Variants in CACNA1A observed in about 807,000 individuals in gnomAD.
CACNA1A encodes calcium voltage-gated channel subunit alpha1 A, also known as voltage-dependent P/Q-type calcium channel subunit alpha-1A.
In CACNA1A, 57 loss-of-function variants were observed where a neutral mutation model predicts 262.4. That is an observed-to-expected ratio of 0.22 (90% confidence interval 0.18 to 0.27). The LOEUF is 0.27. Ranked by LOEUF, CACNA1A falls within the 10% of genes least tolerant of loss-of-function variation. The probability of loss-of-function intolerance (pLI) is 1.00; values close to 1 mark genes in which losing one functional copy is unlikely to be tolerated. For missense variants in CACNA1A, 2,526 were observed against 3,562.8 expected (o/e 0.71, Z 7.41); for synonymous variants, 1,431 against 1,419.3 (o/e 1.01, Z -0.18).
At chr19:13,499,781 C>A (rs1982150545) in intron 1 of CACNA1A, among the ~76,000 whole-genome samples, 1 of 152,152 alleles carries the variant, frequency 6.6e-6, no homozygotes, top group Non-Finnish European at 1.5e-5. Flanking sequence ...CTCCTCTCTG[C>A]CCTCTTTCAG....
chr19:13,362,230 C>T (rs75967457), intron 5 of CACNA1A: 2 of 152,154 alleles, frequency 1.3e-5, no homozygotes, highest in East Asian at 3.9e-4. Flanking sequence ...CAAAATCTCA[C>T]TCTGTTGCCC....
chr19:13,370,026 G>T (rs2059290161), intron 4 of CACNA1A, among the ~76,000 whole-genome samples: 1 of 152,168 alleles, frequency 6.6e-6, no homozygotes. Flanking sequence ...TCACAGGCTT[G>T]TTGGGAGGAT....
intron 19 of CACNA1A, among the ~76,000 whole-genome samples, chr19:13,293,718 A>G (rs1156316834): frequency 6.6e-6 from 1 of 151,176 alleles, no homozygotes; most frequent in Non-Finnish European, 1.5e-5. Context: ...GGCCTCCCAA[A>G]GTGCTGGGAT....
At chr19:13,235,183 G>A (rs1600138906) in intron 33 of CACNA1A, 26 bp downstream of exon 33, 16 of 1,605,992 alleles carry the variant, frequency 1.0e-5, no homozygotes, top group Non-Finnish European at 1.4e-5. Flanking sequence ...GGGAGGCTCT[G>A]GGAACCTTAG....
chr19:13,273,366 T>C (rs1421602851), intron 24 of CACNA1A: 1 of 152,196 alleles, frequency 6.6e-6, no homozygotes, highest in Non-Finnish European at 1.5e-5. Flanking sequence ...TGATAGGGAA[T>C]GAATTGTATC....
chr19:13,396,474 T>C (rs1416624718), intron 3 of CACNA1A, among the ~76,000 whole-genome samples: 3 of 152,184 alleles, frequency 2.0e-5, no homozygotes, highest in East Asian at 1.9e-4. Flanking sequence ...CCTAGAACTT[T>C]CTGGGATGAT....
chr19:13,457,260 C>T (rs1348557551), intron 1 of CACNA1A, among the ~76,000 whole-genome samples: 8 of 151,674 alleles, frequency 5.3e-5, no homozygotes, highest in African/African-American at 1.9e-4. Flanking sequence ...CTCAAAACAA[C>T]AACAACAAAA....
In CACNA1A at chr19:13,208,903, G is replaced by GTGGTGC. The variant is rs2054688471; in HGVS notation, c.6627_6632dup (p.Gln2209_His2210dup). ...GATGGTGGTGGTGGTGGTGGTGGTG[G>GTGGTGC]TGGTGCTGTCGATGCTTCCGATCCT... On this transcript the variant is annotated inframe_insertion, in exon 46 of 47. Transcript: ENST00000360228. 5 of 1,536,508 alleles carry GTGGTGC rather than the reference G, an allele frequency of 3.3e-6. No homozygotes were observed. The highest frequency in any genetic ancestry group is 4.4e-6 in the Non-Finnish European group (5 of 1,146,780).
intron 17 of CACNA1A, among the ~76,000 whole-genome samples, chr19:13,302,120 G>A (rs765519994): frequency 1.3e-5 from 2 of 152,136 alleles, no homozygotes; most frequent in Non-Finnish European, 2.9e-5. Flanking sequence ...GACGGCCTGG[G>A]TTCAAATCCC....
At chr19:13,374,416 T>C (rs1446866423) in intron 3 of CACNA1A, among the ~76,000 whole-genome samples, 1 of 152,016 alleles carries the variant, frequency 6.6e-6, no homozygotes, top group East Asian at 1.9e-4. Context: ...TTCAGAAAAT[T>C]AAAAAATTTT....
chr19:13,503,511 G>A (rs1047028679), intron 1 of CACNA1A, among the ~76,000 whole-genome samples: 1 of 151,422 alleles, frequency 6.6e-6, no homozygotes, highest in Non-Finnish European at 1.5e-5. Context: ...AAAGTAGAAT[G>A]TTCTGCCCTG....
intron 24 of CACNA1A, chr19:13,275,623 G>T: frequency 1.8e-6 from 1 of 562,466 alleles, no homozygotes; most frequent in South Asian, 2.0e-5. Context: ...TGCTGTGTGA[G>T]GAGGTAGAAG....
At chr19:13,411,418 T>C (rs1332274711) in intron 3 of CACNA1A, among the ~76,000 whole-genome samples, 1 of 152,182 alleles carries the variant, frequency 6.6e-6, no homozygotes. Context: ...CTTGTGGTAG[T>C]GAATAAGTCT....
chr19:13,296,613 T>C (rs1310993887), intron 19 of CACNA1A, among the ~76,000 whole-genome samples: 1 of 152,204 alleles, frequency 6.6e-6, no homozygotes, highest in African/African-American at 2.4e-5. Context: ...GGTCTTGAAC[T>C]CCGGGGCTCA....
At chr19:13,456,315 C>T (rs2061005948) in intron 1 of CACNA1A, among the ~76,000 whole-genome samples, 4 of 152,030 alleles carry the variant, frequency 2.6e-5, no homozygotes, top group Admixed American at 2.0e-4. Context: ...AGTTAAAAGG[C>T]AAGTAACAGA....
At chr19:13,313,158 C>T (rs920868695) in intron 11 of CACNA1A, among the ~76,000 whole-genome samples, 6 of 152,054 alleles carry the variant, frequency 3.9e-5, no homozygotes, top group Non-Finnish European at 8.8e-5. Context: ...ACTGTGGCCA[C>T]GCCCTGTCCA....
chr19:13,293,551 A>C (rs906010338), intron 19 of CACNA1A, among the ~76,000 whole-genome samples: 1 of 139,052 alleles, frequency 7.2e-6, no homozygotes, highest in African/African-American at 2.7e-5. Context: ...GTTTTACACC[A>C]TTCTCCTACC....
At chr19:13,280,106 G>C (rs1193724119) in intron 22 of CACNA1A, among the ~76,000 whole-genome samples, 1 of 152,080 alleles carries the variant, frequency 6.6e-6, no homozygotes, top group East Asian at 1.9e-4. Context: ...AAACATTCAA[G>C]CTGCATTTAC....
chr19:13,280,657 T>C (rs908053249), intron 22 of CACNA1A, among the ~76,000 whole-genome samples: 9 of 152,138 alleles, frequency 5.9e-5, no homozygotes, highest in Middle Eastern at 6.8e-3. Context: ...AGAATGCTCA[T>C]TGACCGGGCG....
Sources: gnomAD v4.1 joint callset for allele counts (sites outside exome capture counted in the v4.1 genomes callset) on GRCh38, gnomAD v4.1.1 for gene constraint, MANE v1.5 for transcripts, NCBI Gene and HGNC (gene_info 2026-07-23, HGNC 2026-07-21) for gene names.